KLHL6: variants seen among roughly 807,000 people sequenced by gnomAD.
The protein encoded by KLHL6 is kelch like family member 6, also known as kelch-like protein 6.
KLHL6 carries 41 observed loss-of-function variants against 58.6 expected under a neutral mutation model. The ratio of observed to expected loss-of-function variants is 0.70; its 90% CI spans 0.55 to 0.91. The LOEUF (loss-of-function observed/expected upper bound fraction) is 0.91. KLHL6 is among the 40% of genes least tolerant of loss of function. The probability of loss-of-function intolerance (pLI) is 0.00; values close to 1 mark genes in which losing one functional copy is unlikely to be tolerated. For missense variants in KLHL6, 714 were observed against 805.6 expected (o/e 0.89, Z 1.38); for synonymous variants, 338 against 322.7 (o/e 1.05, Z -0.51).
intron 1 of KLHL6, among the ~76,000 whole-genome samples, chr3:183,546,367 G>T (rs1016075824): frequency 6.6e-6 from 1 of 152,218 alleles, no homozygotes; most frequent in Non-Finnish European, 1.5e-5. Context: ...AAGCCCAGTC[G>T]GAGGAAAGCC....
At chr3:183,501,195 G>T (rs1577178449) in intron 3 of KLHL6, among the ~76,000 whole-genome samples, 1 of 152,210 alleles carries the variant, frequency 6.6e-6, no homozygotes, top group East Asian at 1.9e-4. Context: ...CGGGATAAGG[G>T]TGAAGGGGTG....
intron 1 of KLHL6, among the ~76,000 whole-genome samples, chr3:183,551,065 G>A (rs1221203016): frequency 6.7e-6 from 1 of 149,934 alleles, no homozygotes; most frequent in Non-Finnish European, 1.5e-5. Context: ...AGCTTGCAAT[G>A]AGCGGAGATA....
rs187134161 is a variant in KLHL6, at chr3:183,527,287, T to A, written c.459+558A>T. Among the ~76,000 whole-genome samples the A allele has an allele frequency of 1.5e-3, 229 of 152,294 alleles. 2 individuals are homozygous for A. The highest frequency in any genetic ancestry group is 6.2e-4 in the South Asian group (3 of 4,824). On this transcript the variant is annotated intron_variant, in intron 2 of 6. Transcript: ENST00000341319. ...ACTAAGTACTAGTTTTAAACTTTTGTACATTAAAAAAGCTATATTTTAAAA... is the reference window on the plus strand; with the variant it reads ...ACTAAGTACTAGTTTTAAACTTTTGAACATTAAAAAAGCTATATTTTAAAA...
chr3:183,546,312 G>A (rs1297620128), intron 1 of KLHL6, among the ~76,000 whole-genome samples: 11 of 152,130 alleles, frequency 7.2e-5, no homozygotes, highest in Non-Finnish European at 1.6e-4. Flanking sequence ...TGCATATATT[G>A]CAGGCCTAGC....
At chr3:183,537,862 C>T (rs1410753429) in intron 1 of KLHL6, among the ~76,000 whole-genome samples, 1 of 152,064 alleles carries the variant, frequency 6.6e-6, no homozygotes, top group Non-Finnish European at 1.5e-5. Context: ...AATTAGATTA[C>T]CTATCTATTT....
chr3:183,496,535 A>G (rs1717717499), intron 4 of KLHL6, among the ~76,000 whole-genome samples: 1 of 152,198 alleles, frequency 6.6e-6, no homozygotes, highest in African/African-American at 2.4e-5. Flanking sequence ...CTACTGCAAT[A>G]TTTTTTAAGG....
chr3:183,546,522 G>A (rs1196938885), intron 1 of KLHL6, among the ~76,000 whole-genome samples: 1 of 152,156 alleles, frequency 6.6e-6, no homozygotes, highest in African/African-American at 2.4e-5. Flanking sequence ...GTCCTGGGTG[G>A]CTTCGGGCTG....
At chr3:183,539,882 G>A (rs546983950) in intron 1 of KLHL6, among the ~76,000 whole-genome samples, 24 of 152,252 alleles carry the variant, frequency 1.6e-4, no homozygotes, top group African/African-American at 5.5e-4. Flanking sequence ...AGCTTGCCAT[G>A]AAATTCTGCC....
At chr3:183,520,862 T>C (rs1258427225) in intron 2 of KLHL6, 1 of 151,890 alleles carries the variant, frequency 6.6e-6, no homozygotes, top group Non-Finnish European at 1.5e-5. Flanking sequence ...TGCCTTCCTC[T>C]TATCTCAACT....
At chr3:183,550,994 G>A (rs1295679451) in intron 1 of KLHL6, among the ~76,000 whole-genome samples, 1 of 151,734 alleles carries the variant, frequency 6.6e-6, no homozygotes, top group South Asian at 2.1e-4. Context: ...GGTGGCGGGC[G>A]CCTGTAGTCC....
At chr3:183,544,755 C>CACACACACACACACACACACACACAA (rs1712664898) in intron 1 of KLHL6, 1 of 123,288 alleles carries the variant, frequency 8.1e-6, no homozygotes, top group African/African-American at 3.6e-5. Context: ...CTCAAACACA[C>CACACACACACACACACACACACACAA]ACACACACAC....
chr3:183,499,515 G>T lies in KLHL6; in HGVS notation c.1147+75C>A. The T allele has an allele frequency of 1.1e-6, 1 of 944,358 alleles. No individual in the cohort carries two copies. Among genetic ancestry groups the T allele is most frequent in the East Asian group, 2.5e-5 (1 of 39,782 alleles). The allele number at this position is 944,358 out of a possible 1,614,324, so 58.5% of individuals were successfully genotyped here. A position where few individuals can be genotyped will look rare whatever the true frequency, so the allele number is the denominator to read the frequency against. On this transcript the variant is annotated intron_variant, in intron 4 of 6. Coordinates refer to ENST00000341319, the MANE Select transcript of KLHL6 (RefSeq NM_130446.4). The surrounding 1 kb of genome is among the most constrained non-coding windows in gnomAD (Gnocchi z 4.6). The stretch of plus-strand genomic sequence containing the variant: ...CAATTCACAGTAATTCTTCTAGGAT[G>T]GTTGCCTGGCTGCCACTCAGGAATA...
At chr3:183,528,103 A>G (rs1712038517) in intron 1 of KLHL6, 93 bp from the exon 2 acceptor site, 4 of 1,422,706 alleles carry the variant, frequency 2.8e-6, no homozygotes, top group Non-Finnish European at 3.9e-6. Context: ...CCCTCACAGA[A>G]CAGGGGGTTT....
At position 183,499,325 on chromosome 3, in the gene KLHL6, A is replaced by C. The variant is rs1200522716; in HGVS notation, c.1147+265T>G. ...TGCGCCACTGCACTCCAGCCTGAGC[A>C]ACAGAGCGAGACGCTGTCTCAAAAA... On this transcript the variant is annotated intron_variant, in intron 4 of 6. Coordinates refer to ENST00000341319, the MANE Select transcript of KLHL6 (RefSeq NM_130446.4). The surrounding 1 kb of genome is among the most constrained non-coding windows in gnomAD (Gnocchi z 4.6). Among the ~76,000 whole-genome samples the C allele has an allele frequency of 2.6e-5, 4 of 151,714 alleles. No individual in the cohort carries two copies. The highest frequency in any genetic ancestry group is 4.4e-5 in the Non-Finnish European group (3 of 67,910).
rs776726604 is a variant in KLHL6, at chr3:183,499,793, T to C, written c.944A>G (p.Glu315Gly). ...GATCATGAACACCTCAGACTGGAAC[T>C]CATGCATCCTGGGCTTGGTGCGTTC... ...ISERTKPRMH[E>G]FQSEVFMIIG... is the part of the protein sequence containing the mutation. Residue 315 changes from glutamate to glycine, a missense_variant, in exon 4 of 7, where the codon GAG becomes GGG. Physicochemically the swap from Glu to Gly is moderately conservative, Grantham distance 98. This residue lies in a region of KLHL6 where 510 missense variants were observed against 629.7 expected (regional missense o/e 0.81). Transcript: ENST00000341319. The surrounding 1 kb of genome is among the most constrained non-coding windows in gnomAD (Gnocchi z 4.6). 6.2e-7 allele frequency: 1 copy of C among 1,602,978 alleles called. No individual in the cohort carries two copies. Among genetic ancestry groups the C allele is most frequent in the South Asian group, 1.1e-5 (1 of 88,552 alleles).
intron 1 of KLHL6, among the ~76,000 whole-genome samples, chr3:183,548,254 A>G (rs1712792692): frequency 6.6e-6 from 1 of 152,132 alleles, no homozygotes; most frequent in East Asian, 1.9e-4. Context: ...ACTGCAAAAT[A>G]TGGCACACTC....
At chr3:183,522,900 C>T (rs2108682534) in intron 2 of KLHL6, 1 of 152,334 alleles carries the variant, frequency 6.6e-6, no homozygotes, top group East Asian at 1.9e-4. Flanking sequence ...ACTGTAACTT[C>T]CGCCTCCTAG....
At chr3:183,542,901 T>C (rs1041573916) in intron 1 of KLHL6, among the ~76,000 whole-genome samples, 2 of 145,416 alleles carry the variant, frequency 1.4e-5, no homozygotes, top group African/African-American at 5.1e-5. Context: ...GATGGATGGA[T>C]GGACAGATGG....
At chr3:183,509,578 C>A (rs747393367) in intron 2 of KLHL6, among the ~76,000 whole-genome samples, 6 of 152,178 alleles carry the variant, frequency 3.9e-5, no homozygotes, top group Non-Finnish European at 5.9e-5. Context: ...TTCCTCTTAC[C>A]CACTATGTGT....
Sources: allele counts gnomAD v4.1 joint callset (sites outside exome capture counted in the v4.1 genomes callset), GRCh38; gene constraint gnomAD v4.1.1; regional missense constraint gnomAD v4.1.1; non-coding constraint Gnocchi (gnomAD v3.1); transcripts MANE v1.5; gene names NCBI Gene and HGNC (gene_info 2026-07-23, HGNC 2026-07-21).